ETV7: variants seen among roughly 807,000 people sequenced by gnomAD.
ETV7 encodes the protein transcription factor ETV7.
A neutral mutation model predicts 39.1 loss-of-function variants in ETV7; 43 were observed. The ratio of observed to expected loss-of-function variants is 1.10; its 90% CI spans 0.86 to 1.42. The LOEUF (loss-of-function observed/expected upper bound fraction) is 1.42. Ranked by LOEUF, ETV7 falls within the 40% of genes most tolerant of loss-of-function variation. ETV7 has a pLI of 0.00. For synonymous variants in ETV7, 196 were observed against 176.6 expected, an observed-to-expected ratio of 1.11 and a Z score of -0.87; for missense variants, 432 against 442.3, an observed-to-expected ratio of 0.98 and a Z score of 0.21.
intron 2 of ETV7, among the ~76,000 whole-genome samples, chr6:36,384,764 C>T (rs1323555279): frequency 6.6e-6 from 1 of 151,992 alleles, no homozygotes; most frequent in African/African-American, 2.4e-5. Flanking sequence ...TGGCACACAC[C>T]TGTAGTTCCA....
intron 7 of ETV7, among the ~76,000 whole-genome samples, chr6:36,356,901 G>A (rs914767030): frequency 5.3e-5 from 8 of 152,254 alleles, no homozygotes; most frequent in East Asian, 1.9e-4. Flanking sequence ...GGAAATTTGC[G>A]GGACCCCATC....
At chr6:36,384,656 G>C (rs551936989) in intron 2 of ETV7, among the ~76,000 whole-genome samples, 3 of 152,258 alleles carry the variant, frequency 2.0e-5, no homozygotes, top group African/African-American at 4.8e-5. Flanking sequence ...TTGGGAGGCC[G>C]AGGCGGGTGG....
At chr6:36,360,690 G>A (rs749114085) in intron 7 of ETV7, among the ~76,000 whole-genome samples, 2 of 152,120 alleles carry the variant, frequency 1.3e-5, no homozygotes, top group African/African-American at 2.4e-5. Context: ...AGTGGACATG[G>A]TTTTAAACTG....
intron 3 of ETV7, among the ~76,000 whole-genome samples, chr6:36,375,372 C>A (rs1187705727): frequency 1.3e-5 from 2 of 152,164 alleles, no homozygotes; most frequent in East Asian, 1.9e-4. Flanking sequence ...AGTCCCTCCC[C>A]ACAAACTCCG....
chr6:36,385,797 T>C, intron 1 of ETV7, 128 bp from the exon 2 acceptor site: 1 of 980,562 alleles, frequency 1.0e-6, no homozygotes, highest in Non-Finnish European at 1.5e-6. Flanking sequence ...TGCATCAACC[T>C]TAAAGGTAGG....
intron 6 of ETV7, among the ~76,000 whole-genome samples, chr6:36,367,580 C>T (rs1311678426): frequency 6.6e-6 from 1 of 152,224 alleles, no homozygotes; most frequent in African/African-American, 2.4e-5. Flanking sequence ...CAGCAAATGT[C>T]ACAACAGTAA....
chr6:36,381,346 C>T (rs1773642671), intron 2 of ETV7, among the ~76,000 whole-genome samples: 1 of 152,158 alleles, frequency 6.6e-6, no homozygotes, highest in Non-Finnish European at 1.5e-5. Flanking sequence ...AGATAATTCA[C>T]CTATGGCCCA....
At chr6:36,371,246 A>G (rs1248702037) in intron 5 of ETV7, 84 bp downstream of exon 5, 12 of 1,344,650 alleles carry the variant, frequency 8.9e-6, no homozygotes, top group Non-Finnish European at 1.0e-5. Flanking sequence ...CACCAGGTCA[A>G]AATAGCCCTG....
intron 7 of ETV7, among the ~76,000 whole-genome samples, chr6:36,360,848 A>G (rs1772469687): frequency 6.6e-6 from 1 of 152,190 alleles, no homozygotes; most frequent in South Asian, 2.1e-4. Context: ...AGAGAGCAGA[A>G]GCCTGTGATT....
At position 36,366,411 on chromosome 6, in the gene ETV7, A is replaced by C; in HGVS notation, c.*234T>G. 1 of 1,367,694 alleles carries C rather than the reference A, an allele frequency of 7.3e-7. No individual in the cohort carries two copies. The highest frequency in any genetic ancestry group is 9.4e-7 in the Non-Finnish European group (1 of 1,059,004). The allele number at this position is 1,367,694 out of a possible 1,614,324, so 84.7% of individuals were successfully genotyped here. ...CTCTCCCAGGGGTGCAGTAGGGGAG[A>C]GTCCATTCCCCTGTACCTCATTTAG... is the stretch of plus-strand genomic sequence containing the variant. On this transcript the variant is annotated 3_prime_UTR_variant, in exon 8 of 8. Coordinates refer to ENST00000340181, the MANE Select transcript of ETV7 (RefSeq NM_016135.4).
At chr6:36,375,509 T>G (rs758022009) in intron 3 of ETV7, among the ~76,000 whole-genome samples, 8 of 152,174 alleles carry the variant, frequency 5.3e-5, no homozygotes, top group Non-Finnish European at 8.8e-5. Flanking sequence ...TCAGTGTGAA[T>G]GAATATTTGA....
At chr6:36,376,941 G>C (rs73729968) in intron 2 of ETV7, among the ~76,000 whole-genome samples, 2,526 of 152,244 alleles carry the variant, frequency 0.017, 108 homozygotes, top group East Asian at 0.16. Context: ...CTTGGAATCA[G>C]GTTTGCTCAG....
chr6:36,382,235 T>C (rs1773691909), intron 2 of ETV7, among the ~76,000 whole-genome samples: 1 of 152,182 alleles, frequency 6.6e-6, no homozygotes, highest in South Asian at 2.1e-4. Context: ...CTAAACAAAG[T>C]AGTCACGAAT....
At chr6:36,369,188 G>T in intron 5 of ETV7, 117 bp from the exon 6 acceptor site, 1 of 1,168,326 alleles carries the variant, frequency 8.6e-7, no homozygotes, top group Non-Finnish European at 1.2e-6. Flanking sequence ...CCAGCAGGAA[G>T]GTGAAAATGA....
intron 4 of ETV7, among the ~76,000 whole-genome samples, chr6:36,372,173 AGAG>A (rs1362446956): frequency 3.3e-5 from 5 of 152,200 alleles, no homozygotes; most frequent in Non-Finnish European, 7.3e-5. Flanking sequence ...TGAAGGAGGT[AGAG>A]GAGTGAGCTC....
rs754296011 is a variant in ETV7 at position 36,387,536 on chromosome 6, C to G, written c.6G>C (p.Gln2His). 3 of 1,614,022 alleles carry G rather than the reference C, an allele frequency of 1.9e-6. No individual in the cohort carries two copies. The highest frequency in any genetic ancestry group is 1.1e-5 in the South Asian group (1 of 91,090). ...GCGTGTTCAGCCGCCAGGCTCTTAC[C>G]TGCATTACAGGTGGAGGTGAGGAAG... MQEGELAISPIS... is the reference protein window; with the variant it reads MHEGELAISPIS... The change falls in exon 1 of 8, where the codon CAG becomes CAC. Residue 2 changes from glutamine to histidine, a missense_variant and splice_region_variant. Transcript: ENST00000340181.
intron 7 of ETV7, among the ~76,000 whole-genome samples, chr6:36,356,323 C>CAAAAAAAAAAAAAAAAAAAAAA (rs59649348): frequency 2.6e-5 from 2 of 77,652 alleles, no homozygotes; most frequent in Admixed American, 1.5e-4. Flanking sequence ...GACCCTGTCT[C>CAAAAAAAAAAAAAAAAAAAAAA]AAAAAAAAAA....
chr6:36,382,211 T>C (rs549168915), intron 2 of ETV7, among the ~76,000 whole-genome samples: 23 of 152,304 alleles, frequency 1.5e-4, no homozygotes, highest in East Asian at 7.7e-4. Context: ...CCCACACACA[T>C]ATATAAAAAT....
chr6:36,358,570 T>A (rs1299630140), intron 7 of ETV7, among the ~76,000 whole-genome samples: 1 of 152,262 alleles, frequency 6.6e-6, no homozygotes, highest in African/African-American at 2.4e-5. Context: ...GTCCCCCTGA[T>A]GTTCAGTTTC....
Sources: allele counts gnomAD v4.1 joint callset (sites outside exome capture counted in the v4.1 genomes callset), GRCh38; gene constraint gnomAD v4.1.1; transcripts MANE v1.5; gene names NCBI Gene and HGNC (gene_info 2026-07-23, HGNC 2026-07-21).